Variants in ADAMTS20 observed in about 807,000 individuals in gnomAD.
ADAMTS20 encodes the protein A disintegrin and metalloproteinase with thrombospondin motifs 20.
ADAMTS20 carries 225 observed loss-of-function variants against 260.1 expected under a neutral mutation model. The observed-to-expected ratio is 0.87, with a 90% CI of 0.78 to 0.97. ADAMTS20 has a LOEUF of 0.97. Ranked by LOEUF, ADAMTS20 falls within the 50% of genes least tolerant of loss-of-function variation. ADAMTS20 has a pLI of 0.00. For missense variants in ADAMTS20, 2,400 were observed against 2,337.7 expected, an observed-to-expected ratio of 1.03 and a Z score of -0.55; for synonymous variants, 802 against 769.5, an observed-to-expected ratio of 1.04 and a Z score of -0.70.
At chr12:43,353,686 A>T (rs1939682810), downstream of ADAMTS20, among the ~76,000 whole-genome samples, 1 of 152,152 alleles carries the variant, frequency 6.6e-6, no homozygotes, top group Admixed American at 6.5e-5. Context: ...TCTAAACTGT[A>T]TGAGTACAAA....
chr12:43,499,473 A>G (rs955919779), intron 4 of ADAMTS20, among the ~76,000 whole-genome samples: 3 of 149,464 alleles, frequency 2.0e-5, no homozygotes, highest in African/African-American at 7.5e-5. Flanking sequence ...ATCTTCTAAC[A>G]GTGATGATAC....
chr12:43,367,718 A>T (rs1592028726), intron 37 of ADAMTS20, among the ~76,000 whole-genome samples: 1 of 152,072 alleles, frequency 6.6e-6, no homozygotes, highest in Non-Finnish European at 1.5e-5. Flanking sequence ...GAAATTAAAG[A>T]TATCTAGATT....
At chr12:43,475,487 C>A (rs1393959365) in intron 7 of ADAMTS20, among the ~76,000 whole-genome samples, 1 of 148,678 alleles carries the variant, frequency 6.7e-6, no homozygotes, top group Non-Finnish European at 1.5e-5. Context: ...TTGGAAAAAA[C>A]TACTTTAAAG....
intron 11 of ADAMTS20, among the ~76,000 whole-genome samples, chr12:43,456,438 A>G (rs1183511272): frequency 2.6e-5 from 4 of 152,096 alleles, no homozygotes; most frequent in Admixed American, 6.5e-5. Context: ...AGAGTCGGCC[A>G]TGTACATTCT....
At chr12:43,396,299 AT>A (rs1206956330) in intron 29 of ADAMTS20, among the ~76,000 whole-genome samples, 1 of 152,176 alleles carries the variant, frequency 6.6e-6, no homozygotes, top group East Asian at 1.9e-4. Flanking sequence ...GAGTCTTTCC[AT>A]TTGAGGCATC....
At chr12:43,517,574 G>A (rs1223424558) in intron 3 of ADAMTS20, among the ~76,000 whole-genome samples, 1 of 151,840 alleles carries the variant, frequency 6.6e-6, no homozygotes, top group African/African-American at 2.4e-5. Flanking sequence ...CGTATTCATG[G>A]GTTAGAAAAC....
intron 36 of ADAMTS20, among the ~76,000 whole-genome samples, chr12:43,375,091 G>C (rs1940191964): frequency 7.1e-6 from 1 of 141,378 alleles, no homozygotes; most frequent in African/African-American, 2.6e-5. Flanking sequence ...AGAATCGCTT[G>C]AACCCAGGAA....
chr12:43,534,679 A>T (rs774208135), intron 2 of ADAMTS20, among the ~76,000 whole-genome samples: 5 of 152,176 alleles, frequency 3.3e-5, no homozygotes, highest in Non-Finnish European at 5.9e-5. Flanking sequence ...CTGTGTAGTG[A>T]TATAGAAAGA....
chr12:43,430,311 T>C (rs1334434044), intron 23 of ADAMTS20, 41 bp downstream of exon 23: 3 of 1,577,834 alleles, frequency 1.9e-6, no homozygotes, highest in Non-Finnish European at 2.6e-6. Context: ...AATCTTTCTG[T>C]CTCATAAATC....
chr12:43,437,935 C>A (rs7300163), intron 18 of ADAMTS20, among the ~76,000 whole-genome samples: 31,427 of 151,926 alleles, frequency 0.21, 3,723 homozygotes, highest in Middle Eastern at 0.31. Flanking sequence ...TTGATAAATT[C>A]TATAATATGC....
At chr12:43,433,767 T>A in intron 19 of ADAMTS20, 1 of 479,998 alleles carries the variant, frequency 2.1e-6, no homozygotes, top group Non-Finnish European at 4.2e-6. Flanking sequence ...AAATTTAAAT[T>A]AGAAGTATAA....
chr12:43,375,026 G>T (rs560403456), intron 36 of ADAMTS20, among the ~76,000 whole-genome samples: 4 of 152,246 alleles, frequency 2.6e-5, no homozygotes, highest in South Asian at 4.2e-4. Context: ...CAAAAAGTTA[G>T]CTGGGCATGG....
intron 28 of ADAMTS20, among the ~76,000 whole-genome samples, chr12:43,416,039 G>C (rs1283075905): frequency 1.3e-5 from 2 of 152,040 alleles, no homozygotes; most frequent in Admixed American, 1.3e-4. Flanking sequence ...ACTTTATTCT[G>C]TTCAGATGTT....
intron 29 of ADAMTS20, among the ~76,000 whole-genome samples, chr12:43,386,449 G>T (rs1940479717): frequency 6.6e-6 from 1 of 152,104 alleles, no homozygotes; most frequent in African/African-American, 2.4e-5. Flanking sequence ...TGGTGAATCT[G>T]TCAATTATGT....
intron 28 of ADAMTS20, among the ~76,000 whole-genome samples, chr12:43,403,495 A>T (rs1193754305): frequency 2.6e-5 from 4 of 152,108 alleles, no homozygotes; most frequent in Admixed American, 2.0e-4. Context: ...TACCCAAACT[A>T]GTAATTGTAT....
intron 28 of ADAMTS20, among the ~76,000 whole-genome samples, chr12:43,418,794 T>A (rs1246921634): frequency 2.6e-5 from 4 of 152,212 alleles, no homozygotes; most frequent in African/African-American, 9.6e-5. Flanking sequence ...TTAGTAGTAC[T>A]TCAAGAACTG....
chr12:43,530,609 C>T (rs575978846), intron 3 of ADAMTS20, among the ~76,000 whole-genome samples: 1 of 152,240 alleles, frequency 6.6e-6, no homozygotes, highest in South Asian at 2.1e-4. Flanking sequence ...TTTACGGACA[C>T]CTACGATCTC....
At chr12:43,358,564 C>T (rs1019495861) in intron 37 of ADAMTS20, among the ~76,000 whole-genome samples, 6 of 151,930 alleles carry the variant, frequency 3.9e-5, no homozygotes, top group African/African-American at 9.7e-5. Flanking sequence ...TTCGGACGGG[C>T]GCGGTGGCTC....
At chr12:43,487,581 T>TA (rs61685764) in intron 7 of ADAMTS20, among the ~76,000 whole-genome samples, 5 of 151,906 alleles carry the variant, frequency 3.3e-5, no homozygotes, top group South Asian at 2.1e-4. Context: ...ACTATTGAAA[T>TA]AAAAAAATTA....
Sources: allele counts gnomAD v4.1 joint callset (sites outside exome capture counted in the v4.1 genomes callset), GRCh38; gene constraint gnomAD v4.1.1; transcripts MANE v1.5; gene names NCBI Gene and HGNC (gene_info 2026-07-23, HGNC 2026-07-21).